Variants in PDE3B observed in about 807,000 individuals in gnomAD.
PDE3B encodes cGMP-inhibited 3',5'-cyclic phosphodiesterase 3B.
PDE3B carries 66 observed loss-of-function variants against 116.8 expected under a neutral mutation model. The observed-to-expected ratio is 0.56, with a 90% CI of 0.46 to 0.69. The LOEUF is 0.69. Among genes scored for constraint, PDE3B ranks in the 30% least tolerant of loss-of-function variants. The probability of loss-of-function intolerance (pLI) is 0.00; values close to 1 mark genes in which losing one functional copy is unlikely to be tolerated. For missense variants in PDE3B, 1,384 were observed against 1,368.1 expected, an observed-to-expected ratio of 1.01 and a Z score of -0.18; for synonymous variants, 595 against 533.6, an observed-to-expected ratio of 1.12 and a Z score of -1.59.
Position 14,803,527 on chromosome 11 carries a change from G to A in PDE3B, c.1416-417G>A, listed in dbSNP as rs79574987. Reference sequence around the variant, plus strand: ...AGACTTAGTGAATCAGAAACCTTGGGGACGAGACCAGCAGCCTATGTTTTA... The same window carrying A: ...AGACTTAGTGAATCAGAAACCTTGGAGACGAGACCAGCAGCCTATGTTTTA... On this transcript the variant is annotated intron_variant, in intron 4 of 15. Transcript: ENST00000282096. 2.4e-3 allele frequency among the ~76,000 whole-genome samples: 363 copies of A among 152,252 alleles called. 3 individuals carry two copies. The highest frequency in any genetic ancestry group is 8.5e-3 in the African/African-American group (352 of 41,562).
chr11:14,786,540 C>A lies in PDE3B; in HGVS notation c.1133C>A (p.Ser378Tyr), dbSNP rs773550760. ...TDPSLPPQVI[S>Y]SLRSISSLMG... ...CCAAGCCTTCCACCACAAGTCATTT[C>A]CTCTCTACGGAGTATTAGTAGCTTA... is the stretch of plus-strand genomic sequence containing the variant. The change falls in exon 3 of 16, where the codon TCC (serine) becomes TAC (tyrosine). Residue 378 changes from serine to tyrosine, a missense_variant. Coordinates refer to ENST00000282096, the MANE Select transcript of PDE3B (RefSeq NM_000922.4). 6.2e-7 allele frequency: 1 copy of A among 1,613,282 alleles called. No homozygotes were observed. Among genetic ancestry groups the A allele is most frequent in the South Asian group, 1.1e-5 (1 of 91,052 alleles).
At chr11:14,801,615 G>C (rs1175746111) in intron 4 of PDE3B, among the ~76,000 whole-genome samples, 1 of 152,200 alleles carries the variant, frequency 6.6e-6, no homozygotes, top group African/African-American at 2.4e-5. Flanking sequence ...TGGGGGTCAG[G>C]GACCCACTTG....
chr11:14,651,734 G>C (rs1853580103), intron 1 of PDE3B, among the ~76,000 whole-genome samples: 1 of 152,146 alleles, frequency 6.6e-6, no homozygotes, highest in Admixed American at 6.5e-5. Flanking sequence ...TGGATATCCA[G>C]TCATGCCAAC....
chr11:14,645,414 T>C (rs1266475007), intron 1 of PDE3B, among the ~76,000 whole-genome samples: 4 of 152,216 alleles, frequency 2.6e-5, no homozygotes, highest in African/African-American at 7.2e-5. Flanking sequence ...CTCTGATATG[T>C]GTCTTTTTGG....
chr11:14,833,223 G>A (rs998315271), intron 10 of PDE3B, among the ~76,000 whole-genome samples: 8 of 152,130 alleles, frequency 5.3e-5, no homozygotes, highest in Non-Finnish European at 8.8e-5. Flanking sequence ...AAAGTGCTGC[G>A]ATTATAGACG....
chr11:14,821,445 T>C (rs1030420892), intron 7 of PDE3B, among the ~76,000 whole-genome samples: 9 of 152,192 alleles, frequency 5.9e-5, no homozygotes, highest in African/African-American at 2.2e-4. Flanking sequence ...TAGAAAGAAA[T>C]GCTTCATTTA....
At chr11:14,699,011 AAG>A (rs1480791825) in intron 1 of PDE3B, 6 of 151,980 alleles carry the variant, frequency 3.9e-5, no homozygotes, top group Non-Finnish European at 7.4e-5. Flanking sequence ...CTGTCGGTCT[AAG>A]AAGGGCACTC....
At chr11:14,791,643 G>C (rs1188253485) in intron 4 of PDE3B, among the ~76,000 whole-genome samples, 2 of 151,952 alleles carry the variant, frequency 1.3e-5, no homozygotes, top group African/African-American at 4.8e-5. Flanking sequence ...TTGGGCTATT[G>C]AATTAGCCTC....
intron 1 of PDE3B, among the ~76,000 whole-genome samples, chr11:14,693,386 G>A (rs1202299506): frequency 6.6e-6 from 1 of 152,194 alleles, no homozygotes; most frequent in Non-Finnish European, 1.5e-5. Context: ...AAGATGCTAG[G>A]ACTTTCTAGC....
Position 14,644,779 on chromosome 11 carries a change from C to T in PDE3B, c.704C>T (p.Thr235Ile). 1.9e-6 allele frequency: 3 copies of T among 1,608,430 alleles called. No homozygotes were observed. The highest frequency in any genetic ancestry group is 2.5e-6 in the Non-Finnish European group (3 of 1,177,814). The change falls in exon 1 of 16, where the codon ACC becomes ATC. Residue 235 changes from threonine to isoleucine, a missense_variant. Thr to Ile is a moderately conservative substitution (Grantham distance 89). This residue lies in a region of PDE3B where 956 missense variants were observed against 806.8 expected (regional missense o/e 1.18). Transcript: ENST00000282096. ...AGCTTCGTCTGGTGGGTCTCCTTCA[C>T]CAGCCTCGGGTCGCTGCCCTCCGCC... ...LASFVWWVSF[T>I]SLGSLPSALR...
At chr11:14,821,201 C>T (rs748897683) in intron 7 of PDE3B, among the ~76,000 whole-genome samples, 1 of 152,128 alleles carries the variant, frequency 6.6e-6, no homozygotes, top group Non-Finnish European at 1.5e-5. Context: ...CCTCCATGGG[C>T]TTCTTCAGTT....
At chr11:14,891,417 G>A in the PDE3B span, 3 of 985,802 alleles carry the variant, frequency 3.0e-6, no homozygotes, top group Non-Finnish European at 3.6e-6. Context: ...TCATTCACGC[G>A]TTCACAATCG....
intron 1 of PDE3B, among the ~76,000 whole-genome samples, chr11:14,710,704 C>T (rs945407942): frequency 4.0e-5 from 6 of 151,898 alleles, no homozygotes; most frequent in African/African-American, 7.2e-5. Context: ...TTGGGGAGGG[C>T]GAAAAAGAGA....
intron 7 of PDE3B, among the ~76,000 whole-genome samples, chr11:14,826,289 T>C (rs1283357077): frequency 5.3e-5 from 8 of 152,034 alleles, no homozygotes; most frequent in Non-Finnish European, 8.8e-5. Flanking sequence ...CTGAAGGTGA[T>C]TGAGACACAA....
At chr11:14,792,386 A>G (rs1418713808) in intron 4 of PDE3B, among the ~76,000 whole-genome samples, 1 of 151,230 alleles carries the variant, frequency 6.6e-6, no homozygotes, top group African/African-American at 2.5e-5. Flanking sequence ...AATACAAACA[A>G]TGAAATATAT....
chr11:14,856,294 CTT>C (rs1157303136), intron 12 of PDE3B, among the ~76,000 whole-genome samples: 1 of 152,156 alleles, frequency 6.6e-6, no homozygotes, highest in Non-Finnish European at 1.5e-5. Flanking sequence ...AATTAAACCT[CTT>C]TTGTTTATAA....
chr11:14,751,789 G>A (rs190731185), intron 1 of PDE3B, among the ~76,000 whole-genome samples: 1 of 152,228 alleles, frequency 6.6e-6, no homozygotes, highest in East Asian at 1.9e-4. Flanking sequence ...TGAAAGATAG[G>A]CAACGAGATT....
At chr11:14,816,236 G>A (rs1859327882) in intron 5 of PDE3B, among the ~76,000 whole-genome samples, 1 of 152,166 alleles carries the variant, frequency 6.6e-6, no homozygotes, top group African/African-American at 2.4e-5. Context: ...TGATTTAAAT[G>A]TTAATCACAT....
At chr11:14,810,026 A>G (rs537495065) in intron 5 of PDE3B, among the ~76,000 whole-genome samples, 1 of 152,146 alleles carries the variant, frequency 6.6e-6, no homozygotes, top group Non-Finnish European at 1.5e-5. Context: ...TATTATATAC[A>G]CAGAAATCTA....
Sources: allele counts gnomAD v4.1 joint callset (sites outside exome capture counted in the v4.1 genomes callset), GRCh38; gene constraint gnomAD v4.1.1; regional missense constraint gnomAD v4.1.1; transcripts MANE v1.5; gene names NCBI Gene and HGNC (gene_info 2026-07-23, HGNC 2026-07-21).